DCDC1: variants seen among roughly 807,000 people sequenced by gnomAD.
DCDC1 encodes the protein doublecortin domain-containing protein 1.
DCDC1 carries 200 observed loss-of-function variants against 178.3 expected under a neutral mutation model. The ratio of observed to expected loss-of-function variants is 1.12; its 90% CI spans 1.00 to 1.26. DCDC1 has a LOEUF of 1.26. Among genes scored for constraint, DCDC1 ranks in the 50% most tolerant of loss-of-function variants. The pLI, the probability that DCDC1 is intolerant of heterozygous loss-of-function variation, is 0.00. For missense variants in DCDC1, 1,983 were observed against 1,749.2 expected (o/e 1.13, Z -2.38); for synonymous variants, 690 against 604.8 (o/e 1.14, Z -2.07).
At chr11:31,080,114 A>G (rs1212042673) in intron 17 of DCDC1, among the ~76,000 whole-genome samples, 1 of 152,174 alleles carries the variant, frequency 6.6e-6, no homozygotes, top group African/African-American at 2.4e-5. Context: ...GGATCTTTCT[A>G]TATTATAATT....
At chr11:31,051,192 T>G (rs929931733) in intron 20 of DCDC1, among the ~76,000 whole-genome samples, 5 of 152,130 alleles carry the variant, frequency 3.3e-5, no homozygotes, top group African/African-American at 1.2e-4. Flanking sequence ...CTGGAAAGTC[T>G]CAGCAATAGA....
chr11:31,056,908 GTA>G (rs1955617883), intron 20 of DCDC1, among the ~76,000 whole-genome samples: 1 of 152,088 alleles, frequency 6.6e-6, no homozygotes, highest in Non-Finnish European at 1.5e-5. Context: ...TTAAAAATGT[GTA>G]TATGGTAGAT....
intron 20 of DCDC1, among the ~76,000 whole-genome samples, chr11:30,964,388 T>C (rs1468861849): frequency 6.6e-6 from 1 of 152,156 alleles, no homozygotes; most frequent in Non-Finnish European, 1.5e-5. Context: ...CCTCAAGAAG[T>C]TCCACTGTCA....
At chr11:31,113,321 G>C (rs1304597375) in intron 11 of DCDC1, among the ~76,000 whole-genome samples, 1 of 151,884 alleles carries the variant, frequency 6.6e-6, no homozygotes, top group Non-Finnish European at 1.5e-5. Flanking sequence ...TTAAGTTCTA[G>C]GGTACATGTG....
chr11:31,274,707 T>C (rs1221695283), intron 7 of DCDC1, among the ~76,000 whole-genome samples: 1 of 151,274 alleles, frequency 6.6e-6, no homozygotes, highest in East Asian at 1.9e-4. Flanking sequence ...GTCTTTTTTT[T>C]TTTTTTTTTC....
chr11:31,070,419 G>T (rs1956484840), intron 18 of DCDC1, among the ~76,000 whole-genome samples: 1 of 152,034 alleles, frequency 6.6e-6, no homozygotes, highest in Non-Finnish European at 1.5e-5. Context: ...CAGCTCTTTG[G>T]CTAATAATGC....
intron 21 of DCDC1, among the ~76,000 whole-genome samples, chr11:30,951,192 A>G (rs73465162): frequency 0.025 from 3,872 of 152,182 alleles, 168 homozygotes; most frequent in African/African-American, 0.086. Context: ...TCTCCCAGAT[A>G]TATTGTGCTG....
intron 21 of DCDC1, among the ~76,000 whole-genome samples, chr11:30,949,939 C>A (rs551784095): frequency 2.0e-5 from 3 of 152,134 alleles, no homozygotes; most frequent in African/African-American, 7.2e-5. Flanking sequence ...ACCACCACGG[C>A]AAGTGTATAC....
chr11:31,331,331 G>T (rs1949976002), intron 2 of DCDC1, among the ~76,000 whole-genome samples: 1 of 152,096 alleles, frequency 6.6e-6, no homozygotes, highest in Non-Finnish European at 1.5e-5. Flanking sequence ...CTGCAAACAG[G>T]GACAATTTGA....
intron 35 of DCDC1, 105 bp from the exon 36 acceptor site, chr11:30,893,102 T>A: frequency 7.5e-7 from 1 of 1,328,374 alleles, no homozygotes; most frequent in Non-Finnish European, 1.0e-6. Context: ...ATAAATTATA[T>A]GGAAAAAATT....
intron 6 of DCDC1, among the ~76,000 whole-genome samples, chr11:31,294,476 G>A (rs867815625): frequency 2.7e-5 from 4 of 150,400 alleles, no homozygotes; most frequent in Admixed American, 6.6e-5. Flanking sequence ...CCAGCTACTC[G>A]GGAGGCTGAG....
intron 8 of DCDC1, chr11:31,262,735 G>C: frequency 4.4e-6 from 1 of 227,096 alleles, no homozygotes; most frequent in Non-Finnish European, 8.5e-6. Flanking sequence ...CAAAAGTTTA[G>C]GGATCTCAAT....
chr11:30,938,249 T>C (rs1474844542), intron 21 of DCDC1, among the ~76,000 whole-genome samples: 3 of 152,140 alleles, frequency 2.0e-5, no homozygotes, highest in Non-Finnish European at 4.4e-5. Context: ...TCCTGTTTCC[T>C]TTCTCCCTAA....
Position 30,924,126 on chromosome 11 carries a change from A to C in DCDC1, c.2997+1183T>G, listed in dbSNP as rs566735249. Among the ~76,000 whole-genome samples, 142 of 152,308 alleles carry C rather than the reference A, an allele frequency of 9.3e-4. 1 individual carries two copies. Among genetic ancestry groups the C allele is most frequent in the Middle Eastern group, 3.4e-3 (1 of 294 alleles). Reference sequence around the variant, plus strand: ...GGTGGCCTCATCTATACTTACCATTAAATTAACTTTTTGTATTGTATGATT... The same window carrying C: ...GGTGGCCTCATCTATACTTACCATTCAATTAACTTTTTGTATTGTATGATT... On this transcript the variant is annotated intron_variant, in intron 23 of 38. Transcript: ENST00000684477.
chr11:31,099,779 C>T (rs1389762809), intron 15 of DCDC1, among the ~76,000 whole-genome samples: 20 of 147,958 alleles, frequency 1.4e-4, no homozygotes, highest in Non-Finnish European at 2.8e-4. Flanking sequence ...AGTGCAGTGG[C>T]GCAATCTCGG....
intron 9 of DCDC1, among the ~76,000 whole-genome samples, chr11:31,207,875 C>T (rs1048935628): frequency 6.6e-6 from 1 of 152,138 alleles, no homozygotes; most frequent in Admixed American, 6.5e-5. Flanking sequence ...CTAGTCAAGG[C>T]CAATGGTAAT....
intron 3 of DCDC1, among the ~76,000 whole-genome samples, chr11:31,315,585 C>G (rs1166250182): frequency 6.6e-6 from 1 of 151,096 alleles, no homozygotes; most frequent in Non-Finnish European, 1.5e-5. Context: ...ATCCGCCCAC[C>G]TGGGCCTCCC....
intron 9 of DCDC1, among the ~76,000 whole-genome samples, chr11:31,206,252 C>CT (rs1368065695): frequency 2.2e-4 from 34 of 152,282 alleles, no homozygotes; most frequent in African/African-American, 7.2e-4. Flanking sequence ...AAGCCCATTG[C>CT]TGAGAGTGGG....
At chr11:30,937,543 C>T (rs1449550295) in intron 21 of DCDC1, among the ~76,000 whole-genome samples, 1 of 152,112 alleles carries the variant, frequency 6.6e-6, no homozygotes, top group Admixed American at 6.5e-5. Context: ...TTCCCTGTGT[C>T]GAAATCTATC....
Sources: allele counts gnomAD v4.1 joint callset (sites outside exome capture counted in the v4.1 genomes callset), GRCh38; gene constraint gnomAD v4.1.1; transcripts MANE v1.5; gene names NCBI Gene and HGNC (gene_info 2026-07-23, HGNC 2026-07-21).